C12orf42: variants seen among roughly 807,000 people sequenced by gnomAD.
C12orf42 encodes uncharacterized protein C12orf42.
A neutral mutation model predicts 21.6 loss-of-function variants in C12orf42; 25 were observed. The ratio of observed to expected loss-of-function variants is 1.16; its 90% CI spans 0.84 to 1.62. The LOEUF (loss-of-function observed/expected upper bound fraction) is 1.62. Among genes scored for constraint, C12orf42 ranks in the 40% most tolerant of loss-of-function variants. The pLI is 0.00. For synonymous variants in C12orf42, 174 were observed against 175.0 expected (o/e 0.99, Z 0.05); for missense variants, 483 against 459.3 (o/e 1.05, Z -0.47).
At chr12:103,489,376 G>A (rs12309875) in intron 1 of C12orf42, among the ~76,000 whole-genome samples, 28,351 of 152,156 alleles carry the variant, frequency 0.19, 2,899 homozygotes, top group African/African-American at 0.28. Flanking sequence ...CCCCTAATGG[G>A]AGGTGTCTCC....
intron 2 of C12orf42, among the ~76,000 whole-genome samples, chr12:103,434,939 C>CG (rs1053628528): frequency 2.0e-5 from 3 of 152,244 alleles, no homozygotes; most frequent in African/African-American, 4.8e-5. Context: ...GGCTCCACCT[C>CG]GGGGGGCAGG....
chr12:103,289,476 AG>A (rs1171490469), intron 4 of C12orf42, among the ~76,000 whole-genome samples: 1 of 152,216 alleles, frequency 6.6e-6, no homozygotes, highest in East Asian at 1.9e-4. Context: ...AAATAATTAG[AG>A]GAGCAGATAA....
At chr12:103,245,953 T>G (rs1468220177) in intron 10 of C12orf42, among the ~76,000 whole-genome samples, 1 of 152,022 alleles carries the variant, frequency 6.6e-6, no homozygotes, top group Non-Finnish European at 1.5e-5. Context: ...TTGAAGGAGC[T>G]GGACAGGCCA....
At chr12:103,308,133 G>C (rs996628537) in intron 4 of C12orf42, among the ~76,000 whole-genome samples, 1 of 152,008 alleles carries the variant, frequency 6.6e-6, no homozygotes, top group African/African-American at 2.4e-5. Context: ...CTACCTCTAG[G>C]AATATTCTAA....
At chr12:103,291,329 T>C (rs145699212) in intron 4 of C12orf42, among the ~76,000 whole-genome samples, 58 of 152,272 alleles carry the variant, frequency 3.8e-4, no homozygotes, top group South Asian at 1.0e-3. Context: ...CATAGAAGTA[T>C]TGGGAAAATT....
intron 1 of C12orf42, among the ~76,000 whole-genome samples, chr12:103,483,749 G>A (rs1355974156): frequency 6.6e-6 from 1 of 151,916 alleles, no homozygotes; most frequent in African/African-American, 2.4e-5. Context: ...TGCCATGTTG[G>A]TTTGCTGCAC....
chr12:103,127,993 T>A, the C12orf42 span, among the ~76,000 whole-genome samples: 1 of 152,240 alleles, frequency 6.6e-6, no homozygotes, highest in Non-Finnish European at 1.5e-5. Flanking sequence ...CTCTTAATTC[T>A]TGACTAGCCT....
chr12:103,126,709 C>T, the C12orf42 span, among the ~76,000 whole-genome samples: 4 of 149,930 alleles, frequency 2.7e-5, no homozygotes, highest in African/African-American at 9.8e-5. Flanking sequence ...GGTCAAAATG[C>T]CTTAGTTAGA....
chr12:103,546,146 T>C, the C12orf42 span, among the ~76,000 whole-genome samples: 1 of 152,192 alleles, frequency 6.6e-6, no homozygotes, highest in African/African-American at 2.4e-5. Context: ...CGCCAATCAC[T>C]GAAGAATAGG....
the C12orf42 span, among the ~76,000 whole-genome samples, chr12:103,515,605 T>A: frequency 6.6e-6 from 1 of 152,216 alleles, no homozygotes; most frequent in African/African-American, 2.4e-5. Flanking sequence ...TGGCCTCTCA[T>A]CAGTGAAGTG....
the C12orf42 span, among the ~76,000 whole-genome samples, chr12:103,169,057 G>A: frequency 3.1e-3 from 464 of 152,068 alleles, 1 homozygote; most frequent in African/African-American, 0.011. Flanking sequence ...AATAACTAAT[G>A]TAGATGACAG....
chr12:103,532,359 T>C, the C12orf42 span, among the ~76,000 whole-genome samples: 2 of 152,230 alleles, frequency 1.3e-5, no homozygotes, highest in East Asian at 1.9e-4. Context: ...AAACTGTGTA[T>C]GGTATGATCT....
intron 4 of C12orf42, among the ~76,000 whole-genome samples, chr12:103,318,449 T>A (rs1158314363): frequency 6.6e-6 from 1 of 152,220 alleles, no homozygotes; most frequent in Non-Finnish European, 1.5e-5. Context: ...TATACCAATT[T>A]ACACTCCTAT....
At chr12:103,450,188 C>G (rs1328135206) in intron 2 of C12orf42, among the ~76,000 whole-genome samples, 1 of 151,706 alleles carries the variant, frequency 6.6e-6, no homozygotes, top group Admixed American at 6.6e-5. Context: ...GTTAATCTGC[C>G]CTTGCATCCC....
the C12orf42 span, among the ~76,000 whole-genome samples, chr12:103,198,688 G>A: frequency 3.9e-5 from 6 of 152,342 alleles, no homozygotes; most frequent in Admixed American, 3.9e-4. Context: ...TCTGTGGCAA[G>A]AGTGTGCTAC....
the C12orf42 span, among the ~76,000 whole-genome samples, chr12:103,210,349 A>T: frequency 6.6e-6 from 1 of 151,880 alleles, no homozygotes; most frequent in Non-Finnish European, 1.5e-5. Context: ...ATTTTTTTAT[A>T]TTTCTATAAT....
intron 4 of C12orf42, among the ~76,000 whole-genome samples, chr12:103,278,471 A>C (rs1335109451): frequency 5.3e-5 from 8 of 152,196 alleles, no homozygotes; most frequent in African/African-American, 1.9e-4. Context: ...TATGGAAAGG[A>C]GATGCTGGGA....
chr12:103,289,071 G>A (rs369240654), intron 4 of C12orf42, among the ~76,000 whole-genome samples: 16 of 152,100 alleles, frequency 1.1e-4, no homozygotes, highest in Admixed American at 9.2e-4. Context: ...AAAACAAACT[G>A]AGCAGTGTTA....
intron 1 of C12orf42, among the ~76,000 whole-genome samples, chr12:103,487,382 A>G (rs529407355): frequency 2.0e-5 from 3 of 152,092 alleles, no homozygotes; most frequent in Non-Finnish European, 4.4e-5. Context: ...CAATTATGTG[A>G]TCAATTTTAG....
Sources: gnomAD v4.1 joint callset for allele counts (sites outside exome capture counted in the v4.1 genomes callset) on GRCh38, gnomAD v4.1.1 for gene constraint, MANE v1.5 for transcripts, NCBI Gene and HGNC (gene_info 2026-07-23, HGNC 2026-07-21) for gene names.